PKHD1: variants seen among roughly 807,000 people sequenced by gnomAD.
PKHD1 encodes the protein fibrocystin.
A neutral mutation model predicts 412.0 loss-of-function variants in PKHD1; 291 were observed. That is an observed-to-expected ratio of 0.71 (90% CI 0.64 to 0.78). PKHD1 has a LOEUF of 0.78. PKHD1 is among the 30% of genes least tolerant of loss of function. PKHD1 has a pLI of 0.00. For synonymous variants in PKHD1, 1,777 were observed against 1,821.5 expected, an observed-to-expected ratio of 0.98 and a Z score of 0.62; for missense variants, 4,825 against 4,950.7, an observed-to-expected ratio of 0.97 and a Z score of 0.76.
In PKHD1 at chr6:51,753,265, G is replaced by A. The variant is rs138464473; in HGVS notation, c.8886C>T (p.Asp2962=). The change falls in exon 57 of 67, where the codon GAC becomes GAT. Residue 2962 remains aspartate (D), a synonymous_variant. Transcript: ENST00000371117. ...LLTRNIQIQP[D]VSCRGRLFVG... ...CAAACAGTCTCCCCCTACATGATAC[G>A]TCAGGCTGAATTTGTATATTTCGGG... is the stretch of plus-strand genomic sequence containing the variant. 24 of 1,613,418 alleles carry A rather than the reference G, an allele frequency of 1.5e-5. No homozygotes were observed. Among genetic ancestry groups the A allele is most frequent in the African/African-American group, 5.3e-5 (4 of 74,960 alleles).
chr6:51,838,570 G>A (rs1370352792), intron 50 of PKHD1, among the ~76,000 whole-genome samples: 1 of 152,336 alleles, frequency 6.6e-6, no homozygotes, highest in African/African-American at 2.4e-5. Flanking sequence ...TTCAGGATCA[G>A]AACAGATACA....
chr6:51,773,370 T>G (rs1790470613), intron 54 of PKHD1, among the ~76,000 whole-genome samples: 1 of 151,968 alleles, frequency 6.6e-6, no homozygotes. Context: ...AGCTCAGTTT[T>G]ATTTTTTCAT....
chr6:51,661,533 A>C (rs2150428874), intron 60 of PKHD1, among the ~76,000 whole-genome samples: 1 of 152,198 alleles, frequency 6.6e-6, no homozygotes, highest in Non-Finnish European at 1.5e-5. Context: ...AAACATAAAA[A>C]GTAAAGAAAT....
At chr6:51,829,321 A>G (rs1767855874) in intron 52 of PKHD1, among the ~76,000 whole-genome samples, 1 of 152,028 alleles carries the variant, frequency 6.6e-6, no homozygotes, top group African/African-American at 2.4e-5. Flanking sequence ...GACACAGTCA[A>G]CTGCAGTGCC....
chr6:52,068,465 G>T (rs554946694), intron 11 of PKHD1, among the ~76,000 whole-genome samples: 1 of 152,198 alleles, frequency 6.6e-6, no homozygotes, highest in Non-Finnish European at 1.5e-5. Context: ...AGAAGAGTGT[G>T]CTTCCCACCA....
At chr6:52,028,454 C>A in intron 29 of PKHD1, 103 bp from the exon 30 acceptor site, 1 of 1,050,730 alleles carries the variant, frequency 9.5e-7, no homozygotes. Flanking sequence ...CACAGTCACC[C>A]CTATGCATAA....
Position 52,042,950 on chromosome 6 carries a change from A to G in PKHD1, c.3006T>C (p.Ser1002=). ...CTCCAGTGGCACTGATGGCAAGACC[A>G]GAGGGTCTCACCAACATCAAGATCC... The part of the protein sequence containing the change: ...MHRILMLVRP[S]GLAISATGED... Residue 1002 remains serine (S), a synonymous_variant, in exon 27 of 67, where the codon TCT becomes TCC. Transcript: ENST00000371117. The G allele has an allele frequency of 6.2e-7, 1 of 1,613,598 alleles. No individual in the cohort carries two copies. The highest frequency in any genetic ancestry group is 1.1e-5 in the South Asian group (1 of 91,070).
At chr6:51,736,177 G>C (rs564607645) in intron 60 of PKHD1, among the ~76,000 whole-genome samples, 3 of 152,266 alleles carry the variant, frequency 2.0e-5, no homozygotes, top group African/African-American at 4.8e-5. Flanking sequence ...ATTGTTAATG[G>C]AAGATTTGAG....
chr6:51,784,790 C>T (rs1421274937), intron 53 of PKHD1, among the ~76,000 whole-genome samples: 1 of 152,248 alleles, frequency 6.6e-6, no homozygotes, highest in Non-Finnish European at 1.5e-5. Context: ...TCCCTCGGGA[C>T]CTTTGCACTA....
At chr6:51,621,179 C>T (rs1415245463) in intron 66 of PKHD1, among the ~76,000 whole-genome samples, 1 of 152,130 alleles carries the variant, frequency 6.6e-6, no homozygotes, top group Non-Finnish European at 1.5e-5. Context: ...GTCTCATCTT[C>T]CTCTTAGGAA....
At position 52,017,568 on chromosome 6, in the gene PKHD1, G is replaced by A. The variant is rs1464152176; in HGVS notation, c.5442C>T (p.His1814=). 6.2e-7 allele frequency: 1 copy of A among 1,614,088 alleles called. No homozygotes were observed. Among genetic ancestry groups the A allele is most frequent in the Non-Finnish European group, 8.5e-7 (1 of 1,180,002 alleles). ...CTGTCAAATCACACTGCACATAGGT[G>A]TGTCTGGCAGCCTCACAGCTGTCCT... ...REEDSCEAAR[H]TYVQCDLTVA... The change falls in exon 34 of 67, where the codon CAC becomes CAT. Residue 1814 remains histidine, a synonymous_variant. Coordinates refer to ENST00000371117, the MANE Select transcript of PKHD1 (RefSeq NM_138694.4).
chr6:51,905,567 T>C (rs1013131195), intron 41 of PKHD1, among the ~76,000 whole-genome samples: 2 of 151,936 alleles, frequency 1.3e-5, no homozygotes, highest in Non-Finnish European at 2.9e-5. Context: ...CACTAGAGTA[T>C]GGAGAAAGAG....
At chr6:51,736,632 G>C (rs1347295103) in intron 60 of PKHD1, among the ~76,000 whole-genome samples, 1 of 152,044 alleles carries the variant, frequency 6.6e-6, no homozygotes, top group Admixed American at 6.5e-5. Flanking sequence ...TCAATCTTTG[G>C]GGCCTGTAAT....
chr6:51,999,036 G>A (rs1365065481), intron 35 of PKHD1, among the ~76,000 whole-genome samples: 1 of 152,196 alleles, frequency 6.6e-6, no homozygotes, highest in Non-Finnish European at 1.5e-5. Flanking sequence ...CAAGAAGACA[G>A]TAACTAAAAT....
Position 51,904,153 on chromosome 6 carries a change from T to C in PKHD1, c.6809-111A>G, listed in dbSNP as rs1264750133. The C allele has an allele frequency of 6.7e-6, 5 of 745,996 alleles. No individual in the cohort carries two copies. The Admixed American group carries it at 9.3e-5, about 14-fold the overall frequency. 46.2% of individuals were successfully genotyped at this position (745,996 alleles called of 1,614,324 possible). ...GGGTTGTTTTGATTTTGTTTTTGTGTTTTTATCTGTAAATCAGGGAAAGAG... is the reference window on the plus strand; with the variant it reads ...GGGTTGTTTTGATTTTGTTTTTGTGCTTTTATCTGTAAATCAGGGAAAGAG... On this transcript the variant is annotated intron_variant, in intron 41 of 66. Transcript: ENST00000371117.
At chr6:51,982,722 T>A (rs1215561819) in intron 35 of PKHD1, among the ~76,000 whole-genome samples, 1 of 144,950 alleles carries the variant, frequency 6.9e-6, no homozygotes, top group Non-Finnish European at 1.5e-5. Context: ...CTTTGTTCAC[T>A]TGTTTATCTG....
intron 27 of PKHD1, among the ~76,000 whole-genome samples, chr6:52,036,055 T>TA (rs958107265): frequency 2.6e-5 from 4 of 152,158 alleles, no homozygotes; most frequent in African/African-American, 9.7e-5. Flanking sequence ...TGCAATCCTA[T>TA]AAAACATATT....
At chr6:52,086,057 A>T (rs925491038) in intron 1 of PKHD1, among the ~76,000 whole-genome samples, 9 of 146,822 alleles carry the variant, frequency 6.1e-5, no homozygotes, top group African/African-American at 9.9e-5. Context: ...AAATATATTT[A>T]ATATATATAT....
chr6:51,742,191 C>CA (rs1053947805), intron 60 of PKHD1, among the ~76,000 whole-genome samples: 2 of 152,054 alleles, frequency 1.3e-5, no homozygotes, highest in African/African-American at 2.4e-5. Context: ...TTCTTCTGTG[C>CA]AAAAAATATA....
Sources: allele counts gnomAD v4.1 joint callset (sites outside exome capture counted in the v4.1 genomes callset), GRCh38; gene constraint gnomAD v4.1.1; transcripts MANE v1.5; gene names NCBI Gene and HGNC (gene_info 2026-07-23, HGNC 2026-07-21).